The following ENDOD1 variants were observed in gnomAD, a reference collection of about 807,000 sequenced individuals.
ENDOD1 encodes endonuclease domain-containing 1 protein.
ENDOD1 carries 9 observed loss-of-function variants against 6.5 expected under a neutral mutation model. That is an observed-to-expected ratio of 1.39 (90% confidence interval 0.84 to 2.43). The LOEUF is 2.43. Ranked by LOEUF, ENDOD1 falls within the 30% of genes most tolerant of loss-of-function variation. The pLI, the probability that ENDOD1 is intolerant of heterozygous loss-of-function variation, is 0.00. For missense variants in ENDOD1, 648 were observed against 635.5 expected (o/e 1.02, Z -0.21); for synonymous variants, 255 against 255.2 (o/e 1.00, Z 0.01).
rs527308728 is a variant in ENDOD1, at chr11:95,110,413, C to T, written c.301-17964C>T. On this transcript the variant is annotated intron_variant, in intron 1 of 1. Coordinates refer to ENST00000278505, the MANE Select transcript of ENDOD1 (RefSeq NM_015036.3). ...ACCAAGAACCTACCATATACAGAGT[C>T]TCTATTATGACTTAGGCAGACAAGG... 2.5e-4 allele frequency among the ~76,000 whole-genome samples: 38 copies of T among 152,306 alleles called. 1 individual carries two copies. The South Asian group carries it at 7.7e-3, about 31-fold the overall frequency.
Position 95,129,343 on chromosome 11 carries a change from A to G in ENDOD1, c.1267A>G (p.Ile423Val). 6.2e-7 allele frequency: 1 copy of G among 1,614,082 alleles called. No homozygotes were observed. Among genetic ancestry groups the G allele is most frequent in the Non-Finnish European group, 8.5e-7 (1 of 1,180,004 alleles). ...LRILCCLLKAICRVLSIPVRV... is the reference protein window; with the variant it reads ...LRILCCLLKAVCRVLSIPVRV... ...GATCCTTTGTTGTCTGCTGAAGGCC[A>G]TTTGCCGAGTTCTGAGCATCCCTGT... is the stretch of plus-strand genomic sequence containing the variant. The change falls in exon 2 of 2, where the codon ATT (isoleucine) becomes GTT (valine). Residue 423 changes from isoleucine to valine, a missense_variant. Ile to Val is a conservative substitution (Grantham distance 29). Coordinates refer to ENST00000278505, the MANE Select transcript of ENDOD1 (RefSeq NM_015036.3).
At position 95,103,055 on chromosome 11, in the gene ENDOD1, A is replaced by G. The variant is rs181177306; in HGVS notation, c.300+12828A>G. Among the ~76,000 whole-genome samples the G allele has an allele frequency of 3.3e-5, 5 of 150,360 alleles. No homozygotes were observed. The East Asian group carries it at 9.8e-4, about 30-fold the overall frequency. On this transcript the variant is annotated intron_variant, in intron 1 of 1. Transcript: ENST00000278505. ...ATATTGGGTACCATTCTATTTTTCA[A>G]TTTCTCCCACAGTTAAAGAGGAAGC...
chr11:95,110,874 A>G (rs1555111858), intron 1 of ENDOD1, among the ~76,000 whole-genome samples: 2 of 151,970 alleles, frequency 1.3e-5, no homozygotes, highest in Non-Finnish European at 2.9e-5. Flanking sequence ...ACATCAAAAC[A>G]CTTGCACAAG....
chr11:95,099,955 G>C (rs1396707265), intron 1 of ENDOD1, among the ~76,000 whole-genome samples: 1 of 152,200 alleles, frequency 6.6e-6, no homozygotes, highest in Non-Finnish European at 1.5e-5. Context: ...GTTTCTGAAA[G>C]ATTGGGCATC....
At position 95,129,402 on chromosome 11, in the gene ENDOD1, G is replaced by A. The variant is rs746108728; in HGVS notation, c.1326G>A (p.Val442=). The part of the protein sequence containing the change: ...RVLVDVATFP[V]YTMGAIPIVC... Reference sequence around the variant, plus strand: ...TTGTGGATGTGGCCACTTTCCCTGTGTACACCATGGGCGCTATTCCAATTG... The same window carrying A: ...TTGTGGATGTGGCCACTTTCCCTGTATACACCATGGGCGCTATTCCAATTG... Residue 442 remains valine (V), a synonymous_variant, in exon 2 of 2, where the codon GTG becomes GTA. Transcript: ENST00000278505. The A allele has an allele frequency of 1.5e-5, 24 of 1,614,052 alleles. No individual in the cohort carries two copies. Among genetic ancestry groups the A allele is most frequent in the African/African-American group, 2.7e-5 (2 of 74,918 alleles).
chr11:95,125,064 C>A (rs1443833416), intron 1 of ENDOD1, among the ~76,000 whole-genome samples: 4 of 152,090 alleles, frequency 2.6e-5, no homozygotes, highest in African/African-American at 9.7e-5. Flanking sequence ...CATCCAAGTC[C>A]CTCTTCTCTG....
At chr11:95,103,368 CAT>C (rs1317487314) in intron 1 of ENDOD1, among the ~76,000 whole-genome samples, 2 of 152,110 alleles carry the variant, frequency 1.3e-5, no homozygotes, top group African/African-American at 2.4e-5. Context: ...GCTCTAGACT[CAT>C]AGTGTTGCAA....
intron 1 of ENDOD1, among the ~76,000 whole-genome samples, chr11:95,093,453 C>T (rs751801377): frequency 1.3e-5 from 2 of 152,288 alleles, no homozygotes; most frequent in Middle Eastern, 6.8e-3. Flanking sequence ...GAAAGAATTC[C>T]CCACCTGAAC....
chr11:95,089,942 C>T lies in ENDOD1; in HGVS notation c.15C>T (p.Arg5=). The change falls in exon 1 of 2, where the codon CGC becomes CGT. Residue 5 remains arginine (R), a synonymous_variant. Transcript: ENST00000278505. ...CAGAGGCCGCCATGGGCACCGCGCG[C>T]TGGCTCGCGCTGGGCAGCCTCTTCG... The part of the protein sequence containing the change: MGTA[R]WLALGSLFAL... 2 of 1,445,554 alleles carry T rather than the reference C, an allele frequency of 1.4e-6. No individual in the cohort carries two copies. Among genetic ancestry groups the T allele is most frequent in the Non-Finnish European group, 1.8e-6 (2 of 1,089,982 alleles). The allele number at this position is 1,445,554 out of a possible 1,614,324, so 89.5% of individuals were successfully genotyped here. A position where few individuals can be genotyped will look rare whatever the true frequency, so the allele number is the denominator to read the frequency against.
chr11:95,120,731 A>G (rs1037841018), intron 1 of ENDOD1, among the ~76,000 whole-genome samples: 6 of 152,106 alleles, frequency 3.9e-5, no homozygotes, highest in Non-Finnish European at 7.4e-5. Context: ...GTTCAGCACT[A>G]GGACTCACCT....
Position 95,094,271 on chromosome 11 carries a change from G to A in ENDOD1, c.300+4044G>A, listed in dbSNP as rs187607211. On this transcript the variant is annotated intron_variant, in intron 1 of 1. Coordinates refer to ENST00000278505, the MANE Select transcript of ENDOD1 (RefSeq NM_015036.3). ...GAAAGGAGGAAACTGGCTAAGGGAG[G>A]TTAACTGAGGTGTTTTAGGGTCACA... Among the ~76,000 whole-genome samples, 501 of 152,038 alleles carry A rather than the reference G, an allele frequency of 3.3e-3. 3 individuals are homozygous for A. The highest frequency in any genetic ancestry group is 6.9e-3 in the Middle Eastern group (2 of 290).
intron 1 of ENDOD1, among the ~76,000 whole-genome samples, chr11:95,109,845 C>T (rs1461178790): frequency 6.6e-6 from 1 of 152,278 alleles, no homozygotes; most frequent in Admixed American, 6.5e-5. Context: ...GCCATTAGCA[C>T]CTGCAACCTT....
intron 1 of ENDOD1, among the ~76,000 whole-genome samples, chr11:95,111,640 A>G (rs1341465283): frequency 6.6e-6 from 1 of 152,092 alleles, no homozygotes; most frequent in Non-Finnish European, 1.5e-5. Flanking sequence ...TCCTATGAGA[A>G]TCTAATGCCA....
rs1565441987 is a variant in ENDOD1 at position 95,090,143 on chromosome 11, GGACC to G, written c.218_221del (p.Asp73AlafsTer48). 6.6e-7 allele frequency: 1 copy of G among 1,522,654 alleles called. No homozygotes were observed. The highest frequency in any genetic ancestry group is 1.2e-5 in the South Asian group (1 of 81,058). 94.3% of individuals were successfully genotyped at this position (1,522,654 alleles called of 1,614,324 possible). A position where few individuals can be genotyped will look rare whatever the true frequency, so the allele number is the denominator to read the frequency against. Reference sequence around the variant, plus strand: ...GCTTCGCCACCCTCTACAGCACCCGGGACCGCATCCCCGTGTACTCCGCGTTCCG... The same window carrying G: ...GCTTCGCCACCCTCTACAGCACCCGGGCATCCCCGTGTACTCCGCGTTCCG... On this transcript the variant is annotated frameshift_variant, in exon 1 of 2. Transcript: ENST00000278505. LOFTEE classifies it high-confidence loss of function.
At chr11:95,096,227 CTTTTTTTTTTTTTT>C (rs10660230) in intron 1 of ENDOD1, among the ~76,000 whole-genome samples, 1 of 49,964 alleles carries the variant, frequency 2.0e-5, no homozygotes, top group Non-Finnish European at 3.3e-5. Flanking sequence ...GTCAAGAAAG[CTTTTTTTTTTTTTT>C]TTTTTTTTTT....
At chr11:95,094,726 A>G (rs1858966789) in intron 1 of ENDOD1, among the ~76,000 whole-genome samples, 1 of 152,236 alleles carries the variant, frequency 6.6e-6, no homozygotes, top group African/African-American at 2.4e-5. Flanking sequence ...TCATTGTGTC[A>G]GAGAACAGAT....
chr11:95,112,843 TAA>T (rs1565446861), intron 1 of ENDOD1, among the ~76,000 whole-genome samples: 2 of 152,204 alleles, frequency 1.3e-5, no homozygotes, highest in Admixed American at 6.5e-5. Flanking sequence ...ATTTTCTGTT[TAA>T]GTTTGTATGT....
Position 95,090,105 on chromosome 11 carries a change from G to C in ENDOD1, c.178G>C (p.Glu60Gln). ...DSHVKICQRA[E>Q]GAERFATLYS... ...CCACGTGAAGATCTGTCAGCGCGCG[G>C]AGGGTGCTGAGCGCTTCGCCACCCT... The change falls in exon 1 of 2, where the codon GAG (glutamate) becomes CAG (glutamine). Residue 60 changes from glutamate (E) to glutamine (Q), a missense_variant. Physicochemically the swap from Glu to Gln is conservative, Grantham distance 29. Transcript: ENST00000278505. The C allele has an allele frequency of 1.9e-6, 3 of 1,589,790 alleles. No individual in the cohort carries two copies. The highest frequency in any genetic ancestry group is 4.7e-5 in the East Asian group (2 of 42,628).
At chr11:95,113,780 G>A (rs1375369220) in intron 1 of ENDOD1, among the ~76,000 whole-genome samples, 4 of 152,152 alleles carry the variant, frequency 2.6e-5, no homozygotes, top group African/African-American at 9.7e-5. Flanking sequence ...TGGAATTGCT[G>A]CGTCATATTG....
Sources: allele counts gnomAD v4.1 joint callset (sites outside exome capture counted in the v4.1 genomes callset), GRCh38; gene constraint gnomAD v4.1.1; transcripts MANE v1.5; gene names NCBI Gene and HGNC (gene_info 2026-07-23, HGNC 2026-07-21).